PCDHA1: variants seen among roughly 807,000 people sequenced by gnomAD.
The protein encoded by PCDHA1 is protocadherin alpha 1.
Under a neutral mutation model 61.3 loss-of-function variants are expected in PCDHA1, and 42 were observed. The ratio of observed to expected loss-of-function variants is 0.69; its 90% CI spans 0.54 to 0.89. The LOEUF (loss-of-function observed/expected upper bound fraction) is 0.89, where lower values mean the gene tolerates loss of function less well. PCDHA1 is among the 40% of genes least tolerant of loss of function. The pLI is 0.00. For missense variants in PCDHA1, 1,256 were observed against 1,235.3 expected (o/e 1.02, Z -0.25); for synonymous variants, 610 against 553.8 (o/e 1.10, Z -1.43).
At chr5:140,966,925 A>T in intron 1 of PCDHA1, 8 of 1,603,462 alleles carry the variant, frequency 5.0e-6, no homozygotes, top group African/African-American at 1.3e-5. Context: ...AGGAGCAGGC[A>T]CCCGGCGCGC....
chr5:140,841,273 T>C, intron 1 of PCDHA1: 1 of 1,504,492 alleles, frequency 6.6e-7, no homozygotes, highest in Non-Finnish European at 8.9e-7. Flanking sequence ...GTACAGTCGT[T>C]CATCTTTATA....
intron 1 of PCDHA1, among the ~76,000 whole-genome samples, chr5:140,818,413 T>C (rs1455060825): frequency 2.6e-5 from 4 of 152,266 alleles, no homozygotes; most frequent in African/African-American, 9.6e-5. Context: ...ATTTTCCTTT[T>C]TAAAAATATA....
intron 1 of PCDHA1, among the ~76,000 whole-genome samples, chr5:140,943,121 G>A (rs1225385839): frequency 3.3e-5 from 5 of 151,916 alleles, no homozygotes; most frequent in African/African-American, 4.8e-5. Flanking sequence ...AGCCAGGTGT[G>A]GTAGTGGGTG....
At chr5:140,926,949 G>A in intron 1 of PCDHA1, 3 of 1,592,316 alleles carry the variant, frequency 1.9e-6, no homozygotes, top group Non-Finnish European at 2.6e-6. Context: ...GCGCTGCAGC[G>A]GGACAGCTCG....
rs1422447265 is a variant in PCDHA1, at chr5:140,788,168, G to C, written c.1878G>C (p.Leu626=). ...CGCGCATCCCGTTCCGCGTGGGGCT[G>C]TACACGGGCGAGATCAGCACGACTC... The part of the protein sequence containing the change: ...GGARIPFRVG[L]YTGEISTTRV... Residue 626 remains leucine (L), a synonymous_variant, in exon 1 of 4, where the codon CTG becomes CTC. Transcript: ENST00000504120. 6.2e-7 allele frequency: 1 copy of C among 1,614,024 alleles called. No homozygotes were observed. The highest frequency in any genetic ancestry group is 2.2e-5 in the East Asian group (1 of 44,866).
In PCDHA1 at chr5:140,788,380, A is replaced by G. The variant is rs782204175; in HGVS notation, c.2090A>G (p.Asn697Ser). 8 of 1,613,944 alleles carry G rather than the reference A, an allele frequency of 5.0e-6. No homozygotes were observed. The highest frequency in any genetic ancestry group is 2.2e-5 in the East Asian group (1 of 44,890). The change falls in exon 1 of 4, where the codon AAC (asparagine) becomes AGC (serine). Residue 697 changes from asparagine (N) to serine (S), a missense_variant. Transcript: ENST00000504120. Reference protein sequence around the residue: ...AGPEAALVDVNVYLIIAICAV... With the variant: ...AGPEAALVDVSVYLIIAICAV... ...CCAGAGGCGGCGCTGGTGGATGTCA[A>G]CGTGTACCTGATCATCGCCATCTGC...
intron 3 of PCDHA1, among the ~76,000 whole-genome samples, chr5:141,002,433 A>G (rs2098079655): frequency 6.6e-6 from 1 of 152,258 alleles, no homozygotes; most frequent in East Asian, 1.9e-4. Context: ...ACAGGCAATA[A>G]CCATAATAAT....
intron 1 of PCDHA1, among the ~76,000 whole-genome samples, chr5:140,913,386 T>C (rs1317540233): frequency 6.6e-6 from 1 of 152,228 alleles, no homozygotes; most frequent in Non-Finnish European, 1.5e-5. Context: ...TGGCTCATCA[T>C]AGCCACTAAT....
chr5:140,854,123 CT>C (rs1554147020), intron 1 of PCDHA1: 1 of 348,562 alleles, frequency 2.9e-6, no homozygotes, highest in Non-Finnish European at 3.9e-6. Context: ...GATGGCACAA[CT>C]GCATTTCAGC....
chr5:140,836,498 C>T lies in PCDHA1; in HGVS notation c.2394+47814C>T. Reference sequence around the variant, plus strand: ...ACGTGTACCTGATCATCGCCATCTGCGCGGTGTCCAGTCTGTTGGTGCTTA... The same window carrying T: ...ACGTGTACCTGATCATCGCCATCTGTGCGGTGTCCAGTCTGTTGGTGCTTA... On this transcript the variant is annotated intron_variant, in intron 1 of 3. Transcript: ENST00000504120. The T allele has an allele frequency of 1.9e-6, 3 of 1,613,896 alleles. No homozygotes were observed. In the South Asian group the frequency reaches 3.3e-5, roughly 18 times the overall value.
intron 1 of PCDHA1, among the ~76,000 whole-genome samples, chr5:140,910,538 AT>A: frequency 6.6e-6 from 1 of 152,180 alleles, no homozygotes; most frequent in Non-Finnish European, 1.5e-5. Context: ...TCACAAATCT[AT>A]TTTGCAAAGT....
At chr5:140,851,766 T>A in intron 1 of PCDHA1, 2 of 968,988 alleles carry the variant, frequency 2.1e-6, no homozygotes, top group South Asian at 4.8e-5. Context: ...AACATTACCC[T>A]TATGAATTTA....
At chr5:140,969,576 G>A (rs982215577) in intron 1 of PCDHA1, 3 of 984,900 alleles carry the variant, frequency 3.0e-6, no homozygotes, top group Admixed American at 2.9e-5. Flanking sequence ...TTTGAGAAGT[G>A]AGGATTAGTC....
At chr5:140,870,794 T>C in intron 1 of PCDHA1, 2 of 1,613,684 alleles carry the variant, frequency 1.2e-6, no homozygotes, top group South Asian at 2.2e-5. Context: ...GCGCCGGCAC[T>C]GCTGGCGACT....
chr5:140,835,661 C>A (rs2150241056), intron 1 of PCDHA1: 5 of 1,613,768 alleles, frequency 3.1e-6, no homozygotes, highest in Non-Finnish European at 4.2e-6. Flanking sequence ...TGGTGGTTAC[C>A]GCGCGGGACG....
chr5:140,926,223 TAGA>T, intron 1 of PCDHA1: 1 of 152,200 alleles, frequency 6.6e-6, no homozygotes, highest in Non-Finnish European at 1.5e-5. Flanking sequence ...TCCTTAAGCC[TAGA>T]AGGTGTGGTC....
At chr5:140,883,781 T>C (rs1156481556) in intron 1 of PCDHA1, 1 of 1,612,432 alleles carries the variant, frequency 6.2e-7, no homozygotes, top group Non-Finnish European at 8.5e-7. Flanking sequence ...GCGTGCGCTG[T>C]CGAGCTACGT....
chr5:140,809,190 C>T, intron 1 of PCDHA1: 1 of 1,614,048 alleles, frequency 6.2e-7, no homozygotes, highest in African/African-American at 1.3e-5. Context: ...GTGCTGGTGT[C>T]ACTTGTGGAG....
Position 140,803,012 on chromosome 5 carries a change from G to A in PCDHA1, c.2394+14328G>A, listed in dbSNP as rs138097279. On this transcript the variant is annotated intron_variant, in intron 1 of 3. Coordinates refer to ENST00000504120, the MANE Select transcript of PCDHA1 (RefSeq NM_018900.4). ...TGGATGCAGACTCAGGCTACAACGCGTGGCTTTCGTATGAGCTGCAGCCTG... is the reference window on the plus strand; with the variant it reads ...TGGATGCAGACTCAGGCTACAACGCATGGCTTTCGTATGAGCTGCAGCCTG... The A allele has an allele frequency of 8.7e-6, 14 of 1,613,936 alleles. No individual in the cohort carries two copies. In the African/African-American group the frequency reaches 1.6e-4, roughly 18 times the overall value.
Sources: allele counts gnomAD v4.1 joint callset (sites outside exome capture counted in the v4.1 genomes callset), GRCh38; gene constraint gnomAD v4.1.1; transcripts MANE v1.5; gene names NCBI Gene and HGNC (gene_info 2026-07-23, HGNC 2026-07-21).